The following VPS13C variants were observed in gnomAD, a reference collection of about 807,000 sequenced individuals.
VPS13C encodes intermembrane lipid transfer protein VPS13C.
VPS13C carries 358 observed loss-of-function variants against 456.8 expected under a neutral mutation model. The ratio of observed to expected loss-of-function variants is 0.78; its 90% confidence interval spans 0.72 to 0.86. The LOEUF is 0.86. VPS13C is among the 40% of genes least tolerant of loss of function. VPS13C has a pLI of 0.00. For synonymous variants in VPS13C, 1,578 were observed against 1,486.7 expected (o/e 1.06, Z -1.41); for missense variants, 4,818 against 4,385.4 (o/e 1.10, Z -2.79).
intron 16 of VPS13C, among the ~76,000 whole-genome samples, chr15:61,996,990 C>T (rs1667014921): frequency 7.1e-6 from 1 of 139,924 alleles, no homozygotes; most frequent in African/African-American, 3.0e-5. Flanking sequence ...ATATATTTTA[C>T]ATACATACAT....
intron 66 of VPS13C, among the ~76,000 whole-genome samples, chr15:61,893,263 C>G (rs929140140): frequency 1.3e-4 from 20 of 152,094 alleles, no homozygotes; most frequent in African/African-American, 4.8e-4. Flanking sequence ...TATAAAGAAG[C>G]TGCAATTTGT....
intron 14 of VPS13C, 38 bp downstream of exon 14, chr15:62,008,617 T>C: frequency 2.1e-6 from 3 of 1,456,248 alleles, no homozygotes; most frequent in Admixed American, 1.9e-5. Context: ...TATATGATTA[T>C]ATGTTCCTCA....
chr15:61,867,382 C>G lies in VPS13C; in HGVS notation c.10863+1277G>C. 9.1e-6 allele frequency: 9 copies of G among 985,316 alleles called. No homozygotes were observed. Among genetic ancestry groups the G allele is most frequent in the Non-Finnish European group, 1.1e-5 (9 of 829,896 alleles). 61.0% of individuals were successfully genotyped at this position (985,316 alleles called of 1,614,324 possible). On this transcript the variant is annotated intron_variant, in intron 81 of 84. Transcript: ENST00000644861. This position sits in a 1 kb window ranked among gnomAD's most constrained non-coding sequence, Gnocchi z 5.0. Reference sequence around the variant, plus strand: ...CATATCCTCAAAATTCATGTGCCAACTATTTATTACTTGAGGTCTAAGGGC... The same window carrying G: ...CATATCCTCAAAATTCATGTGCCAAGTATTTATTACTTGAGGTCTAAGGGC...
At chr15:62,008,800 A>T in intron 13 of VPS13C, 39 bp from the exon 14 acceptor site, 1 of 1,206,878 alleles carries the variant, frequency 8.3e-7, no homozygotes, top group Non-Finnish European at 1.1e-6. Flanking sequence ...ATTACACTGT[A>T]TATATAAAAA....
chr15:61,954,095 C>T (rs763724311), intron 38 of VPS13C, among the ~76,000 whole-genome samples: 2 of 152,038 alleles, frequency 1.3e-5, no homozygotes, highest in African/African-American at 2.4e-5. Flanking sequence ...TTTATTCTAT[C>T]AAGAGTTTCT....
chr15:61,953,940 T>G (rs148510834), intron 38 of VPS13C, among the ~76,000 whole-genome samples: 1 of 152,284 alleles, frequency 6.6e-6, no homozygotes, highest in East Asian at 1.9e-4. Context: ...GCCTTTTACC[T>G]CTATCCTTGT....
chr15:61,916,933 C>T (rs566197521), intron 60 of VPS13C, among the ~76,000 whole-genome samples: 3 of 152,168 alleles, frequency 2.0e-5, no homozygotes, highest in East Asian at 1.9e-4. Flanking sequence ...AATAAACAGA[C>T]GATCATGCTT....
chr15:61,882,430 A>C (rs112749136), intron 69 of VPS13C, among the ~76,000 whole-genome samples, 166 bp downstream of exon 69: 1 of 152,208 alleles, frequency 6.6e-6, no homozygotes, highest in Non-Finnish European at 1.5e-5. Flanking sequence ...CACGAAGTTT[A>C]TAAGTAAGAT....
intron 44 of VPS13C, 59 bp from the exon 45 acceptor site, chr15:61,945,941 G>A (rs1360138151): frequency 1.3e-5 from 18 of 1,374,320 alleles, no homozygotes; most frequent in Non-Finnish European, 1.6e-5. Context: ...CCTTATCAAT[G>A]TATTATAAAT....
chr15:61,896,409 C>T (rs192129534), intron 66 of VPS13C, among the ~76,000 whole-genome samples: 18 of 152,252 alleles, frequency 1.2e-4, no homozygotes, highest in Middle Eastern at 3.4e-3. Context: ...GTGCGCGAGC[C>T]GAAGCAGGGT....
At chr15:61,969,225 A>T in intron 28 of VPS13C, 74 bp downstream of exon 28, 1 of 1,067,554 alleles carries the variant, frequency 9.4e-7, no homozygotes, top group Non-Finnish European at 1.3e-6. Context: ...AATACAATAT[A>T]AATGAAAGTG....
chr15:61,895,850 C>G (rs778330548), intron 66 of VPS13C, among the ~76,000 whole-genome samples: 32 of 151,874 alleles, frequency 2.1e-4, no homozygotes, highest in Non-Finnish European at 5.9e-5. Flanking sequence ...AAAGGAGATA[C>G]AAAATTACAG....
chr15:61,873,906 T>TGC (rs1895216949), intron 77 of VPS13C, among the ~76,000 whole-genome samples: 2 of 151,802 alleles, frequency 1.3e-5, no homozygotes, highest in African/African-American at 4.8e-5. Flanking sequence ...ATAGCTAACA[T>TGC]ATGCAATCAA....
chr15:61,896,052 A>G (rs186239881), intron 66 of VPS13C, among the ~76,000 whole-genome samples: 6 of 152,336 alleles, frequency 3.9e-5, no homozygotes, highest in African/African-American at 1.2e-4. Flanking sequence ...ATATAGCACA[A>G]TATCATAAGT....
intron 39 of VPS13C, 78 bp downstream of exon 39, chr15:61,951,746 C>T: frequency 7.1e-7 from 1 of 1,406,076 alleles, no homozygotes; most frequent in Non-Finnish European, 9.5e-7. Context: ...GCACAGAAAT[C>T]AATATGTTTA....
chr15:62,042,706 T>C (rs563629126), intron 2 of VPS13C, among the ~76,000 whole-genome samples: 1 of 152,060 alleles, frequency 6.6e-6, no homozygotes, highest in African/African-American at 2.4e-5. Flanking sequence ...AAATAACCCA[T>C]ATAAAAGTAA....
At chr15:62,027,966 C>T (rs2047693094) in intron 6 of VPS13C, among the ~76,000 whole-genome samples, 1 of 151,988 alleles carries the variant, frequency 6.6e-6, no homozygotes, top group Non-Finnish European at 1.5e-5. Flanking sequence ...CACTTTATTG[C>T]TTTTTACGTT....
chr15:61,951,627 T>A (rs1028224629), intron 39 of VPS13C, among the ~76,000 whole-genome samples, 197 bp downstream of exon 39: 1 of 152,142 alleles, frequency 6.6e-6, no homozygotes, highest in African/African-American at 2.4e-5. Context: ...AAATAAAACA[T>A]CACATTTCCT....
Position 61,973,500 on chromosome 15 carries a change from T to G in VPS13C, c.2571A>C (p.Thr857=). The change falls in exon 26 of 85, where the codon ACA becomes ACC. Residue 857 remains threonine, a synonymous_variant. Coordinates refer to ENST00000644861, the MANE Select transcript of VPS13C (RefSeq NM_020821.3). ...ATAGTGAAGTACCAAGTAGACCTTT[T>G]GTACCACCTGAAATAATAGGAATTG... ...VSSIPIISGG[T]KGLLGTSLLL... is the part of the protein sequence containing the mutation. The G allele has an allele frequency of 6.2e-7, 1 of 1,612,842 alleles. No individual in the cohort carries two copies.
Sources: gnomAD v4.1 joint callset for allele counts (sites outside exome capture counted in the v4.1 genomes callset) on GRCh38, gnomAD v4.1.1 for gene constraint, Gnocchi (gnomAD v3.1) non-coding constraint, MANE v1.5 for transcripts, NCBI Gene and HGNC (gene_info 2026-07-23, HGNC 2026-07-21) for gene names.